FREM3: variants seen among roughly 807,000 people sequenced by gnomAD.
FREM3 encodes the protein FRAS1-related extracellular matrix protein 3.
In FREM3, 105 loss-of-function variants were observed where a neutral mutation model predicts 129.1. The ratio of observed to expected loss-of-function variants is 0.81; its 90% CI spans 0.69 to 0.96. The LOEUF (loss-of-function observed/expected upper bound fraction) is 0.96, where lower values mean the gene tolerates loss of function less well. FREM3 is among the 40% of genes least tolerant of loss of function. The pLI is 0.00. For missense variants in FREM3, 2,593 were observed against 2,666.3 expected, an observed-to-expected ratio of 0.97 and a Z score of 0.61; for synonymous variants, 1,014 against 1,044.9, an observed-to-expected ratio of 0.97 and a Z score of 0.57.
intron 6 of FREM3, among the ~76,000 whole-genome samples, chr4:143,595,178 C>T (rs1738444443): frequency 6.6e-6 from 1 of 152,176 alleles, no homozygotes; most frequent in East Asian, 1.9e-4. Flanking sequence ...AGAAACCATA[C>T]AGAACAGAAT....
chr4:143,618,662 G>A (rs922872630), intron 5 of FREM3, among the ~76,000 whole-genome samples: 1 of 152,172 alleles, frequency 6.6e-6, no homozygotes, highest in African/African-American at 2.4e-5. Context: ...GGGAAGCCAA[G>A]TCAGGAGAAT....
intron 2 of FREM3, among the ~76,000 whole-genome samples, chr4:143,641,976 A>G (rs1245931804): frequency 2.6e-5 from 4 of 152,172 alleles, no homozygotes; most frequent in African/African-American, 9.6e-5. Flanking sequence ...TAAAGATGGC[A>G]GAATAATCAT....
At position 143,699,981 on chromosome 4, in the gene FREM3, G is replaced by T. The variant is rs965628997; in HGVS notation, c.695C>A (p.Ala232Asp). ...TACGCCCTTGCCCCTGGGGAGAGGGGCCCCCACCGCGTCCACCAAGCGCCC... is the reference window on the plus strand; with the variant it reads ...TACGCCCTTGCCCCTGGGGAGAGGGTCCCCCACCGCGTCCACCAAGCGCCC... ...KYGRLVDAVGAPLPRGKGVDC... is the reference protein window; with the variant it reads ...KYGRLVDAVGDPLPRGKGVDC... The change falls in exon 1 of 8, where the codon GCC becomes GAC. Residue 232 changes from alanine (A) to aspartate (D), a missense_variant. By Grantham distance (126) the Ala-to-Asp change is moderately radical (BLOSUM62 -2). Around this residue, in one of 2 missense-constraint regions of FREM3, gnomAD observed 2,276 missense variants for 2,267.2 expected, o/e 1.00. Coordinates refer to ENST00000329798, the MANE Select transcript of FREM3 (RefSeq NM_001168235.2). The surrounding 1 kb of genome is among the most constrained non-coding windows in gnomAD (Gnocchi z 4.2). 4.0e-6 allele frequency: 6 copies of T among 1,502,240 alleles called. No homozygotes were observed. Among genetic ancestry groups the T allele is most frequent in the Non-Finnish European group, 5.3e-6 (6 of 1,127,320 alleles). 93.1% of individuals were successfully genotyped at this position (1,502,240 alleles called of 1,614,324 possible).
At chr4:143,679,570 A>G (rs1740214405) in intron 2 of FREM3, among the ~76,000 whole-genome samples, 1 of 152,196 alleles carries the variant, frequency 6.6e-6, no homozygotes, top group South Asian at 2.1e-4. Context: ...GGCATATCTC[A>G]TATGGGAGAG....
At chr4:143,672,323 CTTTG>C (rs1043927727) in intron 2 of FREM3, among the ~76,000 whole-genome samples, 1 of 152,168 alleles carries the variant, frequency 6.6e-6, no homozygotes, top group African/African-American at 2.4e-5. Context: ...CAGCAAGAGA[CTTTG>C]TTTGGTTGTT....
intron 4 of FREM3, among the ~76,000 whole-genome samples, chr4:143,622,730 G>A (rs1367125031): frequency 6.6e-6 from 1 of 152,058 alleles, no homozygotes; most frequent in Non-Finnish European, 1.5e-5. Flanking sequence ...GATACAATAG[G>A]ACTAAGTTAT....
intron 2 of FREM3, among the ~76,000 whole-genome samples, chr4:143,669,332 G>T (rs62339314): frequency 0.12 from 18,141 of 152,204 alleles, 1,154 homozygotes; most frequent in Non-Finnish European, 0.14. Flanking sequence ...TAGAGAGAGG[G>T]TCTAGCTCTG....
intron 7 of FREM3, among the ~76,000 whole-genome samples, chr4:143,583,979 CA>C (rs775852799): frequency 4.0e-4 from 61 of 152,288 alleles, no homozygotes; most frequent in South Asian, 1.2e-3. Flanking sequence ...TGAATGAAAA[CA>C]GGCTAAATGA....
intron 2 of FREM3, among the ~76,000 whole-genome samples, chr4:143,660,369 G>A (rs1739688297): frequency 6.6e-6 from 1 of 152,032 alleles, no homozygotes; most frequent in Non-Finnish European, 1.5e-5. Context: ...GTTTTTGTCA[G>A]GTTTGTCAAA....
intron 2 of FREM3, among the ~76,000 whole-genome samples, chr4:143,660,432 C>T (rs1258963502): frequency 6.6e-6 from 1 of 152,070 alleles, no homozygotes; most frequent in Non-Finnish European, 1.5e-5. Context: ...TGTTCTGTTC[C>T]ATTGATCTAT....
At chr4:143,592,570 C>G (rs1738386303) in intron 6 of FREM3, among the ~76,000 whole-genome samples, 1 of 152,144 alleles carries the variant, frequency 6.6e-6, no homozygotes, top group East Asian at 1.9e-4. Flanking sequence ...ATATTGGCCC[C>G]CTCTCTCTTC....
chr4:143,618,115 G>A (rs901299852), intron 5 of FREM3, among the ~76,000 whole-genome samples: 2 of 152,192 alleles, frequency 1.3e-5, no homozygotes. Flanking sequence ...CTTGGAAAGA[G>A]CTATGCTGCA....
chr4:143,601,002 A>C (rs1003977210), intron 6 of FREM3, among the ~76,000 whole-genome samples: 2 of 151,604 alleles, frequency 1.3e-5, no homozygotes, highest in Non-Finnish European at 2.9e-5. Flanking sequence ...ATGGCCTCTA[A>C]AATATTTCCT....
intron 2 of FREM3, among the ~76,000 whole-genome samples, chr4:143,688,409 T>C (rs1365671555): frequency 1.3e-5 from 2 of 152,194 alleles, no homozygotes; most frequent in African/African-American, 4.8e-5. Context: ...CCCATGCTCA[T>C]GGATGGGTAG....
At chr4:143,661,821 G>T (rs1002670690) in intron 2 of FREM3, among the ~76,000 whole-genome samples, 8 of 152,130 alleles carry the variant, frequency 5.3e-5, no homozygotes, top group Admixed American at 1.3e-4. Flanking sequence ...GTCTTGGGAG[G>T]GTGTATGTGT....
intron 6 of FREM3, among the ~76,000 whole-genome samples, chr4:143,595,780 T>C (rs1738467723): frequency 6.6e-6 from 1 of 150,588 alleles, no homozygotes; most frequent in African/African-American, 2.4e-5. Context: ...CCCAGTTACT[T>C]GGGAGGCTGA....
At chr4:143,694,677 G>A (rs1427821313) in intron 1 of FREM3, among the ~76,000 whole-genome samples, 1 of 152,134 alleles carries the variant, frequency 6.6e-6, no homozygotes, top group African/African-American at 2.4e-5. Flanking sequence ...GGATACATGT[G>A]CATAACGTGC....
chr4:143,647,549 C>A (rs1378959976), intron 2 of FREM3, among the ~76,000 whole-genome samples: 1 of 152,156 alleles, frequency 6.6e-6, no homozygotes, highest in Non-Finnish European at 1.5e-5. Flanking sequence ...GGTCTTGGGA[C>A]TTGGTGCCCT....
At chr4:143,663,020 G>T (rs1739768262) in intron 2 of FREM3, among the ~76,000 whole-genome samples, 1 of 152,068 alleles carries the variant, frequency 6.6e-6, no homozygotes, top group African/African-American at 2.4e-5. Context: ...ACACTGATGG[G>T]TCTTGACTCT....
Sources: allele counts gnomAD v4.1 joint callset (sites outside exome capture counted in the v4.1 genomes callset), GRCh38; gene constraint gnomAD v4.1.1; regional missense constraint gnomAD v4.1.1; non-coding constraint Gnocchi (gnomAD v3.1); transcripts MANE v1.5; gene names NCBI Gene and HGNC (gene_info 2026-07-23, HGNC 2026-07-21).